The following RPTOR variants were observed in gnomAD, a reference collection of about 807,000 sequenced individuals.
The protein encoded by RPTOR is regulatory associated protein of MTOR complex 1, also known as regulatory-associated protein of mTOR.
RPTOR carries 21 observed loss-of-function variants against 169.9 expected under a neutral mutation model. That is an observed-to-expected ratio of 0.12 (90% CI 0.09 to 0.18). The LOEUF (loss-of-function observed/expected upper bound fraction) is 0.18, where lower values mean the gene tolerates loss of function less well. Ranked by LOEUF, RPTOR falls within the 10% of genes least tolerant of loss-of-function variation. RPTOR has a pLI of 1.00. For missense variants in RPTOR, 1,133 were observed against 1,855.9 expected (o/e 0.61, Z 7.16); for synonymous variants, 732 against 753.2 (o/e 0.97, Z 0.46).
chr17:80,828,073 A>G (rs1314047796), intron 9 of RPTOR, among the ~76,000 whole-genome samples: 3 of 152,188 alleles, frequency 2.0e-5, no homozygotes, highest in African/African-American at 7.2e-5. Context: ...ACAGGAGTGC[A>G]CCCAGGCAGA....
intron 5 of RPTOR, among the ~76,000 whole-genome samples, chr17:80,749,616 G>A (rs535186779): frequency 8.2e-4 from 125 of 152,152 alleles, no homozygotes; most frequent in Non-Finnish European, 1.5e-3. Context: ...TTTGGAGGCT[G>A]TGGCGGGAGA....
chr17:80,677,767 CAAAAT>C (rs2065870804), intron 3 of RPTOR, among the ~76,000 whole-genome samples: 1 of 122,060 alleles, frequency 8.2e-6, no homozygotes, highest in African/African-American at 3.7e-5. Context: ...AAAAGAATAA[CAAAAT>C]AAACCCCAAG....
At chr17:80,781,765 A>G (rs995866756) in intron 6 of RPTOR, among the ~76,000 whole-genome samples, 1 of 152,224 alleles carries the variant, frequency 6.6e-6, no homozygotes, top group African/African-American at 2.4e-5. Context: ...AGGCAAGAGA[A>G]ATTAATGTCT....
At chr17:80,674,784 T>C (rs1318549064) in intron 3 of RPTOR, among the ~76,000 whole-genome samples, 2 of 80,352 alleles carry the variant, frequency 2.5e-5, no homozygotes, top group East Asian at 7.5e-4. Context: ...CAAGACTCTG[T>C]CTCAAAAAAA....
intron 10 of RPTOR, among the ~76,000 whole-genome samples, chr17:80,841,314 A>T (rs78095645): frequency 4.9e-3 from 254 of 52,060 alleles, no homozygotes; most frequent in Middle Eastern, 0.025. Flanking sequence ...GGCAGCTCAC[A>T]CTCACCGCAC....
At chr17:80,854,661 A>G (rs2067833069) in intron 11 of RPTOR, among the ~76,000 whole-genome samples, 1 of 152,256 alleles carries the variant, frequency 6.6e-6, no homozygotes, top group Non-Finnish European at 1.5e-5. Context: ...CGGGAGGCTG[A>G]AGCGGGAGGG....
At chr17:80,834,821 CA>C (rs1483065607) in intron 9 of RPTOR, among the ~76,000 whole-genome samples, 1 of 152,210 alleles carries the variant, frequency 6.6e-6, no homozygotes, top group Non-Finnish European at 1.5e-5. Flanking sequence ...GAGGCCACAC[CA>C]GGTGCCACGC....
intron 28 of RPTOR, among the ~76,000 whole-genome samples, chr17:80,951,048 C>T (rs2069169961): frequency 6.6e-6 from 1 of 152,114 alleles, no homozygotes; most frequent in South Asian, 2.1e-4. Context: ...GCCCCGGGGT[C>T]CATGAGACCC....
chr17:80,583,196 T>TTTTTTTTTG (rs2065031578), intron 1 of RPTOR, among the ~76,000 whole-genome samples: 2 of 137,374 alleles, frequency 1.5e-5, no homozygotes, highest in African/African-American at 2.7e-5. Context: ...TTTTTTTTTT[T>TTTTTTTTTG]TTTTTTTTTT....
chr17:80,951,731 T>C (rs1277077027), intron 28 of RPTOR, among the ~76,000 whole-genome samples: 1 of 152,162 alleles, frequency 6.6e-6, no homozygotes. Context: ...TACCCCTCCA[T>C]GGCAGGACGC....
chr17:80,738,279 T>A (rs1478681767), intron 5 of RPTOR, among the ~76,000 whole-genome samples: 1 of 152,246 alleles, frequency 6.6e-6, no homozygotes, highest in Non-Finnish European at 1.5e-5. Context: ...GTGGGACATT[T>A]GTGCCGTTTC....
chr17:80,858,210 C>T (rs2067876989), intron 13 of RPTOR: 1 of 380,686 alleles, frequency 2.6e-6, no homozygotes, highest in East Asian at 5.2e-5. Context: ...TGTGTCTGAC[C>T]CCCGTAAGGC....
chr17:80,701,132 CA>C (rs2066097343), intron 3 of RPTOR, among the ~76,000 whole-genome samples: 1 of 152,094 alleles, frequency 6.6e-6, no homozygotes, highest in African/African-American at 2.4e-5. Context: ...AGGGAAGACA[CA>C]GAAGATGTGC....
intron 27 of RPTOR, among the ~76,000 whole-genome samples, chr17:80,948,208 CCT>C (rs1423812869): frequency 6.6e-6 from 1 of 152,224 alleles, no homozygotes; most frequent in East Asian, 1.9e-4. Context: ...GACACCTGAG[CCT>C]CTGAGAGTGT....
chr17:80,574,390 T>A (rs2064940761), intron 1 of RPTOR, among the ~76,000 whole-genome samples: 1 of 151,370 alleles, frequency 6.6e-6, no homozygotes, highest in Non-Finnish European at 1.5e-5. Flanking sequence ...ATGGTCTCGA[T>A]CTCCTGACCT....
chr17:80,755,037 C>T (rs2066666372), intron 6 of RPTOR, among the ~76,000 whole-genome samples: 1 of 152,162 alleles, frequency 6.6e-6, no homozygotes, highest in Admixed American at 6.5e-5. Context: ...AACAGCACAG[C>T]AAAGTAAGGG....
chr17:80,778,651 A>C (rs2066912187), intron 6 of RPTOR, among the ~76,000 whole-genome samples: 1 of 152,092 alleles, frequency 6.6e-6, no homozygotes, highest in Non-Finnish European at 1.5e-5. Context: ...TCTTCAAAAA[A>C]TTAGCCTGGT....
chr17:80,578,020 A>T (rs1226441505), intron 1 of RPTOR, among the ~76,000 whole-genome samples: 1 of 152,196 alleles, frequency 6.6e-6, no homozygotes, highest in African/African-American at 2.4e-5. Flanking sequence ...ATCCAGACTG[A>T]GGGCGGAGAT....
In RPTOR at chr17:80,545,186, ACCTCAG is replaced by A. The variant is rs1447287295; in HGVS notation, c.-441_-436del. On this transcript the variant is annotated 5_prime_UTR_variant, in exon 1 of 34. Coordinates refer to ENST00000306801, the MANE Select transcript of RPTOR (RefSeq NM_020761.3). ...TTTGAACCCGATCCCTTGGCCGGAGACCTCAGCCCAGTCGGCCCAGTGGGCGAACCG... is the reference window on the plus strand; with the variant it reads ...TTTGAACCCGATCCCTTGGCCGGAGACCCAGTCGGCCCAGTGGGCGAACCG... The A allele has an allele frequency of 8.5e-6, 2 of 234,824 alleles. No homozygotes were observed. Among genetic ancestry groups the A allele is most frequent in the Non-Finnish European group, 1.7e-5 (2 of 118,904 alleles). The allele number at this position is 234,824 out of a possible 1,614,324, so 14.5% of individuals were successfully genotyped here.
Sources: allele counts gnomAD v4.1 joint callset (sites outside exome capture counted in the v4.1 genomes callset), GRCh38; gene constraint gnomAD v4.1.1; transcripts MANE v1.5; gene names NCBI Gene and HGNC (gene_info 2026-07-23, HGNC 2026-07-21).